ZNF385D: variants seen among roughly 807,000 people sequenced by gnomAD.
The protein encoded by ZNF385D is zinc finger protein 385D.
A neutral mutation model predicts 35.8 loss-of-function variants in ZNF385D; 15 were observed. The observed-to-expected ratio is 0.42, with a 90% confidence interval of 0.28 to 0.64. The LOEUF (loss-of-function observed/expected upper bound fraction) is 0.64. Ranked by LOEUF, ZNF385D falls within the 30% of genes least tolerant of loss-of-function variation. The probability of loss-of-function intolerance (pLI) is 0.23; values close to 1 mark genes in which losing one functional copy is unlikely to be tolerated. For synonymous variants in ZNF385D, 212 were observed against 186.8 expected, an observed-to-expected ratio of 1.13 and a Z score of -1.10; for missense variants, 474 against 494.6, an observed-to-expected ratio of 0.96 and a Z score of 0.39.
chr3:22,240,232 G>T lies in ZNF385D; in HGVS notation c.107-71197C>A, dbSNP rs1297934630. Among the ~76,000 whole-genome samples the T allele has an allele frequency of 1.4e-4, 19 of 140,442 alleles. 1 individual carries two copies. Among genetic ancestry groups the T allele is most frequent in the Admixed American group, 1.2e-3 (17 of 14,046 alleles). The allele number at this position is 140,442 out of a possible 152,430, so 92.1% of individuals were successfully genotyped here. On this transcript the variant is annotated intron_variant, in intron 2 of 5. Coordinates refer to the ZNF385D transcript ENST00000494108. ...TTCAGACACCTGGCTCCACCAAAAA[G>T]TCATCATCATTAGAAATTTTCTGGC...
chr3:21,694,719 A>G (rs1344758742), intron 1 of ZNF385D, among the ~76,000 whole-genome samples: 1 of 152,214 alleles, frequency 6.6e-6, no homozygotes, highest in African/African-American at 2.4e-5. Context: ...GACAGTGATT[A>G]AGCATAACTT....
chr3:21,695,471 A>C (rs1336465742), intron 1 of ZNF385D, among the ~76,000 whole-genome samples: 1 of 152,172 alleles, frequency 6.6e-6, no homozygotes, highest in African/African-American at 2.4e-5. Flanking sequence ...CAGATGTGTG[A>C]TTTTAAGCAA....
intron 3 of ZNF385D, among the ~76,000 whole-genome samples, chr3:21,844,164 G>A (rs1695853749): frequency 6.6e-6 from 1 of 151,952 alleles, no homozygotes; most frequent in South Asian, 2.1e-4. Flanking sequence ...CTGAGAGGTA[G>A]ACAGTACAGG....
chr3:22,086,731 C>T (rs567188255), intron 3 of ZNF385D, among the ~76,000 whole-genome samples: 5 of 152,254 alleles, frequency 3.3e-5, no homozygotes, highest in Admixed American at 6.5e-5. Context: ...GGCACATATA[C>T]ACCATGGAAT....
intron 2 of ZNF385D, among the ~76,000 whole-genome samples, chr3:22,216,788 G>A (rs1158862906): frequency 6.6e-6 from 1 of 152,064 alleles, no homozygotes; most frequent in Non-Finnish European, 1.5e-5. Context: ...ATGTGACAGA[G>A]GTCTCGTCAA....
chr3:22,029,904 T>C (rs959529314), intron 3 of ZNF385D, among the ~76,000 whole-genome samples: 3 of 152,064 alleles, frequency 2.0e-5, no homozygotes, highest in Admixed American at 1.3e-4. Context: ...CTTGATTGGA[T>C]TGAACGATAT....
chr3:21,790,885 G>T (rs903049031), intron 3 of ZNF385D, among the ~76,000 whole-genome samples: 3 of 151,972 alleles, frequency 2.0e-5, no homozygotes, highest in African/African-American at 7.2e-5. Context: ...AGATTTTTTT[G>T]CTTGTCCTTT....
At chr3:21,496,437 T>G (rs1319936240) in intron 4 of ZNF385D, among the ~76,000 whole-genome samples, 1 of 135,918 alleles carries the variant, frequency 7.4e-6, no homozygotes, top group African/African-American at 2.7e-5. Flanking sequence ...TATATACATA[T>G]ATATACACAC....
chr3:21,728,764 C>G (rs1326184249), intron 1 of ZNF385D, among the ~76,000 whole-genome samples: 1 of 152,192 alleles, frequency 6.6e-6, no homozygotes, highest in Non-Finnish European at 1.5e-5. Flanking sequence ...ATATTACCTT[C>G]CTAATGAGGC....
At chr3:22,004,480 C>T (rs1444521675) in intron 3 of ZNF385D, among the ~76,000 whole-genome samples, 1 of 152,114 alleles carries the variant, frequency 6.6e-6, no homozygotes, top group Admixed American at 6.5e-5. Flanking sequence ...AAACAATCAA[C>T]GGAGTAAAGA....
intron 2 of ZNF385D, among the ~76,000 whole-genome samples, chr3:21,616,328 T>A (rs970832534): frequency 4.6e-5 from 7 of 152,166 alleles, no homozygotes; most frequent in Non-Finnish European, 8.8e-5. Flanking sequence ...GGGCAAGGAA[T>A]GGCTTAATTT....
At chr3:22,116,179 G>A (rs1439922611) in intron 3 of ZNF385D, among the ~76,000 whole-genome samples, 3 of 151,842 alleles carry the variant, frequency 2.0e-5, no homozygotes, top group Admixed American at 2.0e-4. Context: ...AAATTAGAGA[G>A]CTTTTAGAAA....
At chr3:21,576,238 C>A (rs527814702) in intron 2 of ZNF385D, among the ~76,000 whole-genome samples, 1 of 152,302 alleles carries the variant, frequency 6.6e-6, no homozygotes, top group South Asian at 2.1e-4. Flanking sequence ...CCTTGAGGAA[C>A]TAAGGAGGAG....
intron 3 of ZNF385D, among the ~76,000 whole-genome samples, chr3:21,929,019 C>T (rs1019855133): frequency 2.4e-4 from 36 of 152,026 alleles, no homozygotes; most frequent in African/African-American, 8.5e-4. Context: ...ACAAATGTAT[C>T]AGTAGAAAAG....
At chr3:21,989,349 A>G (rs910758187) in intron 3 of ZNF385D, among the ~76,000 whole-genome samples, 8 of 152,142 alleles carry the variant, frequency 5.3e-5, no homozygotes, top group African/African-American at 1.9e-4. Context: ...TTTCTGGAAT[A>G]TGTTCATTAT....
intron 3 of ZNF385D, among the ~76,000 whole-genome samples, chr3:22,133,168 G>A (rs998222609): frequency 1.3e-5 from 2 of 152,054 alleles, no homozygotes; most frequent in African/African-American, 2.4e-5. Flanking sequence ...ACCCTTCCTG[G>A]AGATATAAAC....
In ZNF385D at chr3:21,997,866, C is replaced by CGTGTGTGTGTGTGTGT. The variant is rs1162271257; in HGVS notation, c.325+170950_325+170951insACACACACACACACAC. The stretch of plus-strand genomic sequence containing the variant: ...TTGATGTTGCTATTTGGCGCGCGCG[C>CGTGTGTGTGTGTGTGT]GCGCGCGTGTGTGTGTGTGTGTGTG... On this transcript the variant is annotated intron_variant, in intron 3 of 5. Transcript: ENST00000494108. Among the ~76,000 whole-genome samples, 5 of 97,850 alleles carry CGTGTGTGTGTGTGTGT rather than the reference C, an allele frequency of 5.1e-5. No individual in the cohort carries two copies. In the South Asian group the frequency reaches 1.5e-3, roughly 30 times the overall value. The allele number at this position is 97,850 out of a possible 152,430, so 64.2% of individuals were successfully genotyped here.
chr3:21,523,236 A>G (rs1032336413), intron 3 of ZNF385D, among the ~76,000 whole-genome samples: 5 of 152,194 alleles, frequency 3.3e-5, no homozygotes, highest in African/African-American at 1.2e-4. Flanking sequence ...AGATCGGTGG[A>G]TTGAGAATCT....
intron 3 of ZNF385D, among the ~76,000 whole-genome samples, chr3:22,167,568 A>G (rs1706417199): frequency 6.6e-6 from 1 of 152,200 alleles, no homozygotes; most frequent in Admixed American, 6.5e-5. Flanking sequence ...AGGCTGTAAC[A>G]TTGTGGCCCT....
Sources: allele counts gnomAD v4.1 joint callset (sites outside exome capture counted in the v4.1 genomes callset), GRCh38; gene constraint gnomAD v4.1.1; transcripts MANE v1.5; gene names NCBI Gene and HGNC (gene_info 2026-07-23, HGNC 2026-07-21).